The following PRSS55 variants were observed in gnomAD, a reference collection of about 807,000 sequenced individuals.
PRSS55 encodes the protein probable serine protease UNQ9391/PRO34284.
PRSS55 carries 41 observed loss-of-function variants against 23.6 expected under a neutral mutation model. That is an observed-to-expected ratio of 1.74 (90% CI 1.35 to 2.26). The LOEUF is 2.26. Among genes scored for constraint, PRSS55 ranks in the 30% most tolerant of loss-of-function variants. The pLI is 0.00. For missense variants in PRSS55, 669 were observed against 439.1 expected (o/e 1.52, Z -4.68); for synonymous variants, 262 against 175.5 (o/e 1.49, Z -3.90).
intron 4 of PRSS55, among the ~76,000 whole-genome samples, chr8:10,552,747 T>C (rs1585900259): frequency 1.3e-5 from 2 of 152,184 alleles, no homozygotes; most frequent in Non-Finnish European, 1.5e-5. Context: ...AGAATGGCTG[T>C]TGTCAAAAAG....
At chr8:10,539,575 G>T (rs1247703055), downstream of PRSS55, among the ~76,000 whole-genome samples, 1 of 152,168 alleles carries the variant, frequency 6.6e-6, no homozygotes, top group Non-Finnish European at 1.5e-5. Context: ...TAATTCCCAC[G>T]TGTTGTGGGA....
At chr8:10,539,001 C>T (rs199956760), downstream of PRSS55, among the ~76,000 whole-genome samples, 15 of 151,262 alleles carry the variant, frequency 9.9e-5, no homozygotes, top group East Asian at 2.9e-3. Flanking sequence ...TGACAGTCAC[C>T]TAATTCTGAC....
chr8:10,554,003 G>T, exon 5 of PRSS55: 1 of 1,450,470 alleles, frequency 6.9e-7, no homozygotes, highest in African/African-American at 1.4e-5. Context: ...AAAGCCGCCT[G>T]GGTCTCACAC....
chr8:10,534,194 A>G (rs925333741), intron 4 of PRSS55, among the ~76,000 whole-genome samples: 1 of 152,208 alleles, frequency 6.6e-6, no homozygotes, highest in East Asian at 1.9e-4. Flanking sequence ...AGTAAACACA[A>G]TTCTCCCAGC....
Position 10,531,492 on chromosome 8 carries a change from G to A in PRSS55, c.545G>A (p.Gly182Asp), listed in dbSNP as rs766299528. 2 of 1,613,890 alleles carry A rather than the reference G, an allele frequency of 1.2e-6. No individual in the cohort carries two copies. The highest frequency in any genetic ancestry group is 8.5e-7 in the Non-Finnish European group (1 of 1,180,050). The part of the protein sequence containing the change: ...KVPICLPTQP[G>D]PATWRECWVA... ...CCCATCTGCCTCCCCACGCAGCCCG[G>A]CCCTGCCACATGGCGCGAATGCTGG... The change falls in exon 3 of 5, where the codon GGC becomes GAC. Residue 182 changes from glycine (G) to aspartate (D), a missense_variant. Gly to Asp is a moderately conservative substitution (Grantham distance 94). Transcript: ENST00000328655.
At chr8:10,547,247 G>A (rs569008454) in intron 4 of PRSS55, among the ~76,000 whole-genome samples, 53 of 152,270 alleles carry the variant, frequency 3.5e-4, no homozygotes, top group African/African-American at 1.2e-3. Context: ...TGGTCCAGGC[G>A]TGCGCCAGCC....
intron 4 of PRSS55, among the ~76,000 whole-genome samples, chr8:10,544,684 T>G (rs1013093567): frequency 6.6e-6 from 1 of 152,230 alleles, no homozygotes; most frequent in Non-Finnish European, 1.5e-5. Flanking sequence ...AGTTGTTTTC[T>G]TAGTAGTTGC....
chr8:10,548,724 T>C (rs1459363933), intron 4 of PRSS55, among the ~76,000 whole-genome samples: 1 of 152,132 alleles, frequency 6.6e-6, no homozygotes, highest in Non-Finnish European at 1.5e-5. Flanking sequence ...CACCCACGGC[T>C]CCAAAGCCTC....
chr8:10,536,837 G>A (rs1240705173), intron 4 of PRSS55, among the ~76,000 whole-genome samples: 1 of 152,120 alleles, frequency 6.6e-6, no homozygotes, highest in African/African-American at 2.4e-5. Flanking sequence ...ACACAAAGAG[G>A]GGAACAATAG....
chr8:10,543,423 T>TTCCTTCCTTCCTTCCTTCCTTC (rs1812717370), downstream of PRSS55, among the ~76,000 whole-genome samples: 3 of 71,474 alleles, frequency 4.2e-5, no homozygotes, highest in African/African-American at 1.2e-4. Flanking sequence ...CTTCTTTCTT[T>TTCCTTCCTTCCTTCCTTCCTTC]CTTCCTTCCT....
Position 10,529,669 on chromosome 8 carries a change from C to T in PRSS55, c.317C>T (p.Ala106Val), listed in dbSNP as rs759028808. 3.7e-5 allele frequency: 59 copies of T among 1,613,978 alleles called. 1 individual carries two copies. Among genetic ancestry groups the T allele is most frequent in the East Asian group, 1.6e-4 (7 of 44,882 alleles). ...CTCAACAAGTGGTGGATTCTCACTG[C>T]GGCTCACTGCTTATATTCCGAGGAG... ...SILNKWWILT[A>V]AHCLYSEELF... The change falls in exon 2 of 5, where the codon GCG (alanine) becomes GTG (valine). Residue 106 changes from alanine to valine, a missense_variant. Ala to Val is a moderately conservative substitution (Grantham distance 64). Coordinates refer to ENST00000328655, the MANE Select transcript of PRSS55 (RefSeq NM_198464.4).
Position 10,538,715 on chromosome 8 carries a change from C to A in PRSS55, c.981C>A (p.Val327=), listed in dbSNP as rs755381176. 3 of 1,613,646 alleles carry A rather than the reference C, an allele frequency of 1.9e-6. No individual in the cohort carries two copies. The highest frequency in any genetic ancestry group is 2.5e-6 in the Non-Finnish European group (3 of 1,179,874). ...QKPMGSPVSG[V]PEPGSPRSWL... ...CTATGGGCTCCCCAGTCTCGGGAGT[C>A]CCAGAGCCAGGCAGCCCCAGATCCT... The change falls in exon 5 of 5, where the codon GTC becomes GTA. Residue 327 remains valine, a synonymous_variant. Transcript: ENST00000328655.
intron 4 of PRSS55, among the ~76,000 whole-genome samples, chr8:10,553,757 G>A (rs913906481): frequency 2.6e-5 from 4 of 152,126 alleles, no homozygotes; most frequent in African/African-American, 9.7e-5. Context: ...ATTATAGACC[G>A]GAAAATTGCT....
chr8:10,546,522 C>T (rs750726596), intron 4 of PRSS55, among the ~76,000 whole-genome samples: 52 of 152,156 alleles, frequency 3.4e-4, no homozygotes, highest in Non-Finnish European at 7.3e-5. Flanking sequence ...AAACTGACCA[C>T]ACACCCTGTC....
At chr8:10,531,838 C>A in intron 3 of PRSS55, 1 of 392,624 alleles carries the variant, frequency 2.5e-6, no homozygotes. Context: ...ACTCTGTATT[C>A]ATAAACATCT....
intron 4 of PRSS55, among the ~76,000 whole-genome samples, chr8:10,545,750 C>A (rs1812801054): frequency 6.6e-6 from 1 of 152,206 alleles, no homozygotes; most frequent in Non-Finnish European, 1.5e-5. Context: ...TATTCATTGT[C>A]TTGAGCAGTA....
intron 1 of PRSS55, among the ~76,000 whole-genome samples, chr8:10,526,484 C>G (rs1286297271): frequency 6.6e-6 from 1 of 152,254 alleles, no homozygotes; most frequent in Non-Finnish European, 1.5e-5. Flanking sequence ...GGGTCCACTG[C>G]ACTCTGTGTG....
chr8:10,538,943 G>T, downstream of PRSS55: 1 of 706,846 alleles, frequency 1.4e-6, no homozygotes, highest in Non-Finnish European at 2.2e-6. Flanking sequence ...CTGGTTTGGG[G>T]ACTGCACTTT....
intron 2 of PRSS55, among the ~76,000 whole-genome samples, chr8:10,530,529 C>T (rs1307283093): frequency 6.6e-6 from 1 of 152,066 alleles, no homozygotes; most frequent in Non-Finnish European, 1.5e-5. Flanking sequence ...CACAGTGACC[C>T]CTGAAGCAGG....
Sources: gnomAD v4.1 joint callset for allele counts (sites outside exome capture counted in the v4.1 genomes callset) on GRCh38, gnomAD v4.1.1 for gene constraint, MANE v1.5 for transcripts, NCBI Gene and HGNC (gene_info 2026-07-23, HGNC 2026-07-21) for gene names.